The following IMMP2L variants were observed in gnomAD, a reference collection of about 807,000 sequenced individuals.
IMMP2L encodes mitochondrial inner membrane protease subunit 2.
IMMP2L carries 18 observed loss-of-function variants against 19.3 expected under a neutral mutation model. The observed-to-expected ratio is 0.93, with a 90% confidence interval of 0.64 to 1.38. The LOEUF is 1.38. IMMP2L is among the 40% of genes most tolerant of loss of function. IMMP2L has a pLI of 0.00. For synonymous variants in IMMP2L, 76 were observed against 73.0 expected (o/e 1.04, Z -0.21); for missense variants, 233 against 218.2 (o/e 1.07, Z -0.43).
intron 5 of IMMP2L, among the ~76,000 whole-genome samples, chr7:110,824,042 C>T (rs1803254775): frequency 6.6e-6 from 1 of 152,078 alleles, no homozygotes; most frequent in African/African-American, 2.4e-5. Context: ...AACAGTGTCA[C>T]TGCATATGTA....
intron 3 of IMMP2L, among the ~76,000 whole-genome samples, chr7:111,478,203 TC>T (rs1453972159): frequency 1.3e-5 from 2 of 152,148 alleles, no homozygotes; most frequent in Non-Finnish European, 2.9e-5. Context: ...CTATATATTT[TC>T]TAATTGACCC....
intron 2 of IMMP2L, among the ~76,000 whole-genome samples, chr7:111,489,806 T>C (rs1350334776): frequency 2.0e-5 from 3 of 152,130 alleles, no homozygotes; most frequent in Non-Finnish European, 4.4e-5. Flanking sequence ...CTGCTACTCA[T>C]TTCACTTAAC....
chr7:111,215,214 A>C (rs1326238322), intron 3 of IMMP2L, among the ~76,000 whole-genome samples: 1 of 152,222 alleles, frequency 6.6e-6, no homozygotes, highest in East Asian at 1.9e-4. Flanking sequence ...CACTGTAAGT[A>C]CTTTCCAGAT....
chr7:111,199,642 A>C (rs1809890636), intron 3 of IMMP2L, among the ~76,000 whole-genome samples: 1 of 152,180 alleles, frequency 6.6e-6, no homozygotes, highest in Admixed American at 6.5e-5. Flanking sequence ...AAGAAGCATA[A>C]GCTTTATCTT....
chr7:110,962,183 G>C (rs1030995708), intron 4 of IMMP2L: 1 of 151,850 alleles, frequency 6.6e-6, no homozygotes, highest in African/African-American at 2.4e-5. Flanking sequence ...ACAGCAATAA[G>C]TTCTCACATT....
intron 5 of IMMP2L, among the ~76,000 whole-genome samples, chr7:110,726,349 GA>G (rs945576790): frequency 2.0e-5 from 3 of 152,104 alleles, no homozygotes; most frequent in African/African-American, 7.2e-5. Context: ...AGAAAGAGAA[GA>G]AAATAAAGTG....
At chr7:110,912,036 T>C (rs192603957) in intron 4 of IMMP2L, among the ~76,000 whole-genome samples, 14 of 152,210 alleles carry the variant, frequency 9.2e-5, no homozygotes, top group Admixed American at 6.6e-4. Flanking sequence ...TTCAAAGGTG[T>C]CTGTCTTGCC....
At chr7:111,309,968 C>T (rs1382861072) in intron 3 of IMMP2L, among the ~76,000 whole-genome samples, 1 of 152,066 alleles carries the variant, frequency 6.6e-6, no homozygotes, top group African/African-American at 2.4e-5. Context: ...GGCACGGTGG[C>T]TCACACCTGT....
At chr7:111,219,108 T>A (rs550285187) in intron 3 of IMMP2L, among the ~76,000 whole-genome samples, 35 of 152,174 alleles carry the variant, frequency 2.3e-4, no homozygotes, top group Admixed American at 2.2e-3. Context: ...ACTATTGATG[T>A]ATGTTATACT....
At chr7:111,558,641 C>T (rs977267798) in intron 1 of IMMP2L, among the ~76,000 whole-genome samples, 2 of 152,144 alleles carry the variant, frequency 1.3e-5, no homozygotes, top group East Asian at 1.9e-4. Context: ...AGACGTGGTC[C>T]AGCCATTCTA....
At chr7:110,750,494 A>C (rs574652853) in intron 5 of IMMP2L, among the ~76,000 whole-genome samples, 170 of 152,280 alleles carry the variant, frequency 1.1e-3, no homozygotes, top group African/African-American at 3.9e-3. Context: ...GTTTGCATTT[A>C]TCTTTATATA....
At chr7:110,674,229 A>T (rs1792127638) in intron 5 of IMMP2L, among the ~76,000 whole-genome samples, 1 of 152,140 alleles carries the variant, frequency 6.6e-6, no homozygotes, top group Non-Finnish European at 1.5e-5. Flanking sequence ...TTATAAAACC[A>T]CCAGATCCCA....
intron 4 of IMMP2L, among the ~76,000 whole-genome samples, chr7:110,946,867 C>T (rs1817305091): frequency 6.6e-6 from 1 of 151,718 alleles, no homozygotes; most frequent in Non-Finnish European, 1.5e-5. Flanking sequence ...ACTACAGGCG[C>T]CCGCCACCAC....
chr7:111,076,496 C>T (rs935657061), intron 3 of IMMP2L, among the ~76,000 whole-genome samples: 2 of 152,146 alleles, frequency 1.3e-5, no homozygotes, highest in South Asian at 2.1e-4. Context: ...CTGAATCAGC[C>T]TCACCTCAGC....
chr7:111,302,434 T>TA (rs1453170229), intron 3 of IMMP2L, among the ~76,000 whole-genome samples: 1 of 152,130 alleles, frequency 6.6e-6, no homozygotes, highest in Non-Finnish European at 1.5e-5. Flanking sequence ...GTGGCATGAA[T>TA]AATAATAAGT....
intron 5 of IMMP2L, among the ~76,000 whole-genome samples, chr7:110,801,714 CA>C (rs1386841671): frequency 6.6e-6 from 1 of 152,040 alleles, no homozygotes; most frequent in Non-Finnish European, 1.5e-5. Context: ...AGAGTCCTAA[CA>C]GGGACATAAA....
At chr7:111,499,898 T>A (rs965813424) in intron 2 of IMMP2L, among the ~76,000 whole-genome samples, 1 of 152,052 alleles carries the variant, frequency 6.6e-6, no homozygotes, top group East Asian at 1.9e-4. Context: ...GACGGGTGAT[T>A]TCTGCATTTC....
intron 3 of IMMP2L, among the ~76,000 whole-genome samples, chr7:110,981,900 A>G (rs1289580922): frequency 6.6e-6 from 1 of 152,102 alleles, no homozygotes; most frequent in Non-Finnish European, 1.5e-5. Context: ...AAGTGTCTTC[A>G]AACACCTGGA....
chr7:110,697,915 A>G (rs1794001344), intron 5 of IMMP2L, among the ~76,000 whole-genome samples: 1 of 152,228 alleles, frequency 6.6e-6, no homozygotes, highest in Admixed American at 6.5e-5. Flanking sequence ...TGTGTAATGT[A>G]TACATGTAAG....
Sources: gnomAD v4.1 joint callset for allele counts (sites outside exome capture counted in the v4.1 genomes callset) on GRCh38, gnomAD v4.1.1 for gene constraint, MANE v1.5 for transcripts, NCBI Gene and HGNC (gene_info 2026-07-23, HGNC 2026-07-21) for gene names.